Variants in ST6GAL1 observed in about 807,000 individuals in gnomAD.
The protein encoded by ST6GAL1 is beta-galactoside alpha-2,6-sialyltransferase 1.
ST6GAL1 carries 20 observed loss-of-function variants against 38.0 expected under a neutral mutation model. That is an observed-to-expected ratio of 0.53 (90% CI 0.37 to 0.77). ST6GAL1 has a LOEUF of 0.77. Ranked by LOEUF, ST6GAL1 falls within the 30% of genes least tolerant of loss-of-function variation. The pLI, the probability that ST6GAL1 is intolerant of heterozygous loss-of-function variation, is 0.00. For missense variants in ST6GAL1, 432 were observed against 496.4 expected (o/e 0.87, Z 1.23); for synonymous variants, 196 against 188.2 (o/e 1.04, Z -0.34).
chr3:186,998,785 T>A (rs75043386), intron 2 of ST6GAL1, among the ~76,000 whole-genome samples: 2 of 152,214 alleles, frequency 1.3e-5, no homozygotes, highest in Non-Finnish European at 2.9e-5. Flanking sequence ...ATTTTTACAC[T>A]TACAGCACGT....
intron 5 of ST6GAL1, among the ~76,000 whole-genome samples, chr3:187,066,161 T>G (rs1719114977): frequency 6.6e-6 from 1 of 152,222 alleles, no homozygotes; most frequent in Non-Finnish European, 1.5e-5. Context: ...ATGGAACCCC[T>G]GCCATACAGT....
intron 1 of ST6GAL1, among the ~76,000 whole-genome samples, chr3:186,934,836 G>C (rs1395568342): frequency 1.3e-5 from 2 of 151,326 alleles, no homozygotes; most frequent in Non-Finnish European, 1.5e-5. Flanking sequence ...GTGCAATCTC[G>C]GCTCACTGCA....
At chr3:187,010,482 A>T (rs1716919731) in intron 2 of ST6GAL1, among the ~76,000 whole-genome samples, 1 of 152,200 alleles carries the variant, frequency 6.6e-6, no homozygotes, top group Non-Finnish European at 1.5e-5. Flanking sequence ...TTATTTTTTG[A>T]GATGGAGTTG....
intron 5 of ST6GAL1, among the ~76,000 whole-genome samples, chr3:187,068,633 C>T (rs1047692586): frequency 6.6e-5 from 10 of 152,264 alleles, no homozygotes; most frequent in Admixed American, 2.0e-4. Context: ...TTTCTGAGGA[C>T]GGTGAAGCCA....
In ST6GAL1 at chr3:187,075,513, G is replaced by A. The variant is rs1414228026; in HGVS notation, c.980-49G>A. On this transcript the variant is annotated intron_variant, in intron 7 of 7. Transcript: ENST00000169298. The surrounding 1 kb of genome is among the most constrained non-coding windows in gnomAD (Gnocchi z 4.1). The stretch of plus-strand genomic sequence containing the variant: ...TGAACCCACTGGGCAGAGCTCTGGG[G>A]TGCTGGGGTGGGTTGTCAGGCATGA... 3.1e-6 allele frequency: 5 copies of A among 1,602,680 alleles called. No individual in the cohort carries two copies. The highest frequency in any genetic ancestry group is 1.1e-5 in the South Asian group (1 of 89,838).
intron 2 of ST6GAL1, among the ~76,000 whole-genome samples, chr3:186,988,368 T>G: frequency 6.6e-6 from 1 of 152,094 alleles, no homozygotes. Flanking sequence ...AAGGGCTTGT[T>G]GATCACACTG....
intron 2 of ST6GAL1, among the ~76,000 whole-genome samples, chr3:187,016,732 C>A (rs1164427327): frequency 6.6e-6 from 1 of 152,170 alleles, no homozygotes; most frequent in Non-Finnish European, 1.5e-5. Context: ...CCCCTGCCTC[C>A]CAGGAGGCAA....
At chr3:187,012,320 C>G (rs1262092232) in intron 2 of ST6GAL1, among the ~76,000 whole-genome samples, 3 of 151,856 alleles carry the variant, frequency 2.0e-5, no homozygotes, top group African/African-American at 7.3e-5. Context: ...TGCAGTGGCA[C>G]GATCTCGGCT....
chr3:187,004,021 T>C (rs1423594530), intron 2 of ST6GAL1, among the ~76,000 whole-genome samples: 1 of 152,188 alleles, frequency 6.6e-6, no homozygotes, highest in Non-Finnish European at 1.5e-5. Flanking sequence ...GGGAGGTGTT[T>C]GGGTCATGGG....
intron 1 of ST6GAL1, among the ~76,000 whole-genome samples, chr3:186,948,528 A>AGTGTGTGTGTGT (rs36234165): frequency 2.1e-4 from 31 of 146,346 alleles, no homozygotes; most frequent in Admixed American, 8.9e-4. Flanking sequence ...CAGAAACTCT[A>AGTGTGTGTGTGT]GTGTGTGTGT....
chr3:186,941,997 G>A (rs1032088712), intron 1 of ST6GAL1, among the ~76,000 whole-genome samples: 1 of 150,816 alleles, frequency 6.6e-6, no homozygotes, highest in Non-Finnish European at 1.5e-5. Context: ...AGGCGACAGA[G>A]CAAGACTCCG....
chr3:186,943,172 T>G (rs1714237958), intron 1 of ST6GAL1, among the ~76,000 whole-genome samples: 1 of 152,190 alleles, frequency 6.6e-6, no homozygotes, highest in African/African-American at 2.4e-5. Flanking sequence ...TGGGAAAGAT[T>G]TCTGGAAGAG....
At chr3:186,996,370 C>T (rs1287899764) in intron 2 of ST6GAL1, among the ~76,000 whole-genome samples, 5 of 152,170 alleles carry the variant, frequency 3.3e-5, no homozygotes, top group Non-Finnish European at 4.4e-5. Context: ...GCTCTGTTAC[C>T]TACATGATGG....
intron 5 of ST6GAL1, among the ~76,000 whole-genome samples, chr3:187,065,286 C>T (rs1242862894): frequency 6.6e-6 from 1 of 152,186 alleles, no homozygotes; most frequent in African/African-American, 2.4e-5. Flanking sequence ...AGGCATGAGC[C>T]ACTGCGCCTG....
intron 2 of ST6GAL1, among the ~76,000 whole-genome samples, chr3:186,986,986 T>G (rs1276442745): frequency 1.4e-5 from 2 of 145,718 alleles, no homozygotes; most frequent in South Asian, 2.2e-4. Context: ...TAAAAAAAAG[T>G]GATATACAGT....
At chr3:186,940,645 T>C (rs1487781042) in intron 1 of ST6GAL1, among the ~76,000 whole-genome samples, 1 of 152,250 alleles carries the variant, frequency 6.6e-6, no homozygotes, top group Non-Finnish European at 1.5e-5. Flanking sequence ...TAGTGTATTT[T>C]ATGTGTGGCC....
intron 1 of ST6GAL1, among the ~76,000 whole-genome samples, chr3:186,939,832 A>T (rs1332558167): frequency 6.6e-6 from 1 of 152,156 alleles, no homozygotes; most frequent in Admixed American, 6.5e-5. Flanking sequence ...TCTGTTAGTT[A>T]GCCCCTTCCC....
chr3:186,958,918 A>G (rs141213435), intron 1 of ST6GAL1, among the ~76,000 whole-genome samples: 3,013 of 150,008 alleles, frequency 0.02, 32 homozygotes, highest in Non-Finnish European at 0.031. Flanking sequence ...GTGCCACTGC[A>G]CTCCAGTCAG....
chr3:187,006,844 C>G (rs1483839190), intron 2 of ST6GAL1, among the ~76,000 whole-genome samples: 2 of 152,142 alleles, frequency 1.3e-5, no homozygotes, highest in Non-Finnish European at 2.9e-5. Context: ...AAGTTTTATT[C>G]TCAAGATTGC....
Sources: gnomAD v4.1 joint callset for allele counts (sites outside exome capture counted in the v4.1 genomes callset) on GRCh38, gnomAD v4.1.1 for gene constraint, Gnocchi (gnomAD v3.1) non-coding constraint, MANE v1.5 for transcripts, NCBI Gene and HGNC (gene_info 2026-07-23, HGNC 2026-07-21) for gene names.